FOXK2: variants seen among roughly 807,000 people sequenced by gnomAD.
The protein encoded by FOXK2 is forkhead box protein K2.
FOXK2 carries 24 observed loss-of-function variants against 53.3 expected under a neutral mutation model. The ratio of observed to expected loss-of-function variants is 0.45; its 90% CI spans 0.33 to 0.63. FOXK2 has a LOEUF of 0.63. FOXK2 is among the 30% of genes least tolerant of loss of function. The probability of loss-of-function intolerance (pLI) is 0.03; values close to 1 mark genes in which losing one functional copy is unlikely to be tolerated. For synonymous variants in FOXK2, 505 were observed against 407.1 expected (o/e 1.24, Z -2.89); for missense variants, 952 against 910.5 (o/e 1.05, Z -0.59).
chr17:82,596,735 G>A, intron 8 of FOXK2, among the ~76,000 whole-genome samples: 1 of 152,212 alleles, frequency 6.6e-6, no homozygotes, highest in East Asian at 1.9e-4. Flanking sequence ...TTGGGACGGT[G>A]TTGAATCCAG....
Position 82,582,790 on chromosome 17 carries a change from C to T in FOXK2, c.959C>T (p.Pro320Leu). The change falls in exon 5 of 9, where the codon CCG becomes CTG. Residue 320 changes from proline (P) to leucine (L), a missense_variant. By Grantham distance (98) the Pro-to-Leu change is moderately conservative. Coordinates refer to ENST00000335255, the MANE Select transcript of FOXK2 (RefSeq NM_004514.4). ...LSLNRYFIKV[P>L]RSQEEPGKGS... ...CTGAATCGTTATTTCATCAAAGTGC[C>T]GCGTTCCCAGGAAGAACCAGGCAAA... The T allele has an allele frequency of 2.5e-6, 4 of 1,608,718 alleles. No homozygotes were observed. Among genetic ancestry groups the T allele is most frequent in the Non-Finnish European group, 1.7e-6 (2 of 1,178,590 alleles).
intron 4 of FOXK2, among the ~76,000 whole-genome samples, chr17:82,572,966 G>A (rs899233498): frequency 2.0e-5 from 3 of 152,132 alleles, no homozygotes; most frequent in Admixed American, 6.5e-5. Context: ...CGAGGCAGGT[G>A]GATCGCGTGA....
intron 8 of FOXK2, among the ~76,000 whole-genome samples, chr17:82,591,190 C>T (rs894407035): frequency 1.3e-5 from 2 of 152,074 alleles, no homozygotes; most frequent in Admixed American, 6.5e-5. Context: ...AGGCGCAGGG[C>T]ATGAGCTGCC....
chr17:82,536,600 G>A (rs772772732), intron 1 of FOXK2, among the ~76,000 whole-genome samples: 24 of 152,168 alleles, frequency 1.6e-4, no homozygotes, highest in Non-Finnish European at 3.4e-4. Flanking sequence ...CAGTCTTTAC[G>A]AACTGGCTCT....
intron 4 of FOXK2, among the ~76,000 whole-genome samples, chr17:82,580,492 G>A: frequency 5.5e-5 from 2 of 36,206 alleles, no homozygotes. Context: ...TCCCACACAT[G>A]GCCCAGCCCT....
rs563063462 is a variant in FOXK2 at position 82,572,037 on chromosome 17, C to T, written c.909+167C>T. On this transcript the variant is annotated intron_variant, in intron 4 of 8. Transcript: ENST00000335255. ...GGGGGCCGGTGCTGCCATGCTCTGCCTCACCTTCTTTGTGTGGAGCAGAAG... is the reference window on the plus strand; with the variant it reads ...GGGGGCCGGTGCTGCCATGCTCTGCTTCACCTTCTTTGTGTGGAGCAGAAG... 7.1e-6 allele frequency: 4 copies of T among 564,684 alleles called. No homozygotes were observed. The South Asian group carries it at 1.3e-4, about 18-fold the overall frequency. 35.0% of individuals were successfully genotyped at this position (564,684 alleles called of 1,614,324 possible).
intron 1 of FOXK2, chr17:82,559,281 G>A (rs1392088906): frequency 1.1e-5 from 5 of 438,406 alleles, no homozygotes; most frequent in Admixed American, 2.4e-5. Flanking sequence ...CTGAGGTTGC[G>A]CGGTTGGTGC....
rs1021233583 is a variant in FOXK2 at position 82,596,133 on chromosome 17, A to C, written c.1787-5170A>C. The C allele has an allele frequency of 3.7e-5, 38 of 1,039,398 alleles. No individual in the cohort carries two copies. The Admixed American group carries it at 7.2e-4, about 20-fold the overall frequency. 64.4% of individuals were successfully genotyped at this position (1,039,398 alleles called of 1,614,324 possible). On this transcript the variant is annotated intron_variant, in intron 8 of 8. Coordinates refer to ENST00000335255, the MANE Select transcript of FOXK2 (RefSeq NM_004514.4). Reference sequence around the variant, plus strand: ...CCTGCGGCCACAGACTGCGACCGCGATTGCAGGGAGGAGCATCTGAGGTGG... The same window carrying C: ...CCTGCGGCCACAGACTGCGACCGCGCTTGCAGGGAGGAGCATCTGAGGTGG...
intron 1 of FOXK2, among the ~76,000 whole-genome samples, chr17:82,554,839 C>T (rs1322718476): frequency 6.6e-6 from 1 of 151,744 alleles, no homozygotes; most frequent in Non-Finnish European, 1.5e-5. Flanking sequence ...CCGCCTCCCA[C>T]GTTCAAGCAA....
At chr17:82,550,603 C>T (rs1304169925) in intron 1 of FOXK2, among the ~76,000 whole-genome samples, 1 of 150,940 alleles carries the variant, frequency 6.6e-6, no homozygotes, top group Non-Finnish European at 1.5e-5. Context: ...CCCGGGTTCA[C>T]GCCATTCTCC....
intron 8 of FOXK2, 162 bp downstream of exon 8, chr17:82,587,434 C>G (rs140666868): frequency 1.5e-6 from 1 of 655,878 alleles, no homozygotes; most frequent in Non-Finnish European, 2.7e-6. Flanking sequence ...GGGAAGTGGT[C>G]GTGGAGTCGG....
At chr17:82,530,463 A>G (rs1429003378) in intron 1 of FOXK2, among the ~76,000 whole-genome samples, 6 of 144,466 alleles carry the variant, frequency 4.2e-5, no homozygotes, top group African/African-American at 1.5e-4. Flanking sequence ...AAAAAAAAAA[A>G]AAAGAGAGAG....
rs114287898 is a variant in FOXK2, at chr17:82,559,348, G to A, written c.420-4006G>A. ...GCGACCGTGCGGACTCCACAGCTGC[G>A]CTCAGCTCAGAGCCAGCTTCGTGTG... is the stretch of plus-strand genomic sequence containing the variant. On this transcript the variant is annotated intron_variant, in intron 1 of 8. Coordinates refer to ENST00000335255, the MANE Select transcript of FOXK2 (RefSeq NM_004514.4). The A allele has an allele frequency of 2.2e-3, 1,014 of 456,288 alleles. 5 individuals are homozygous for A. Among genetic ancestry groups the A allele is most frequent in the African/African-American group, 0.018 (912 of 50,216 alleles). The allele number at this position is 456,288 out of a possible 1,614,324, so 28.3% of individuals were successfully genotyped here. A position where few individuals can be genotyped will look rare whatever the true frequency, so the allele number is the denominator to read the frequency against.
At chr17:82,548,390 G>A (rs557485153) in intron 1 of FOXK2, among the ~76,000 whole-genome samples, 6 of 152,134 alleles carry the variant, frequency 3.9e-5, no homozygotes, top group South Asian at 2.1e-4. Context: ...TACATCAACC[G>A]TGGTTTAATT....
intron 1 of FOXK2, among the ~76,000 whole-genome samples, chr17:82,545,361 G>A (rs558000238): frequency 6.6e-6 from 1 of 152,278 alleles, no homozygotes; most frequent in South Asian, 2.1e-4. Context: ...CTTTGTAGGA[G>A]ACGGTGTTTG....
rs151105952 is a variant in FOXK2, at chr17:82,560,451, C to T, written c.420-2903C>T. Among the ~76,000 whole-genome samples, 643 of 152,262 alleles carry T rather than the reference C, an allele frequency of 4.2e-3. 3 individuals carry two copies. The highest frequency in any genetic ancestry group is 0.015 in the African/African-American group (609 of 41,552). The stretch of plus-strand genomic sequence containing the variant: ...CCTCCTCGCTGTTATTTAAGGGAAG[C>T]GGTCTCACTGTGTGGCGCAGGCTGG... On this transcript the variant is annotated intron_variant, in intron 1 of 8. Transcript: ENST00000335255.
intron 4 of FOXK2, chr17:82,576,958 C>T (rs540537194): frequency 1.0e-4 from 40 of 390,728 alleles, no homozygotes; most frequent in South Asian, 9.8e-4. Flanking sequence ...TTGGAGGGTT[C>T]GAGACCAGAT....
At chr17:82,555,164 C>T (rs2044711820) in intron 1 of FOXK2, among the ~76,000 whole-genome samples, 2 of 152,168 alleles carry the variant, frequency 1.3e-5, no homozygotes, top group African/African-American at 4.8e-5. Context: ...ATCATTGACC[C>T]CAAGTGCTTC....
intron 7 of FOXK2, among the ~76,000 whole-genome samples, chr17:82,586,772 G>A (rs764089008): frequency 2.0e-5 from 3 of 152,102 alleles, no homozygotes; most frequent in Non-Finnish European, 4.4e-5. Context: ...ATGGTGGCGG[G>A]TGCCTGTAAT....
Sources: allele counts gnomAD v4.1 joint callset (sites outside exome capture counted in the v4.1 genomes callset), GRCh38; gene constraint gnomAD v4.1.1; transcripts MANE v1.5; gene names NCBI Gene and HGNC (gene_info 2026-07-23, HGNC 2026-07-21).